KIRREL3: variants seen among roughly 807,000 people sequenced by gnomAD.
KIRREL3 encodes kin of IRRE-like protein 3.
In KIRREL3, 36 loss-of-function variants were observed where a neutral mutation model predicts 89.7. That is an observed-to-expected ratio of 0.40 (90% CI 0.31 to 0.53). KIRREL3 has a LOEUF of 0.53. KIRREL3 is among the 20% of genes least tolerant of loss of function. The pLI is 0.49. For missense variants in KIRREL3, 864 were observed against 1,056.6 expected (o/e 0.82, Z 2.53); for synonymous variants, 445 against 441.4 (o/e 1.01, Z -0.10).
At chr11:126,482,199 T>C (rs10893520) in intron 4 of KIRREL3, among the ~76,000 whole-genome samples, 57,567 of 151,952 alleles carry the variant, frequency 0.38, 11,085 homozygotes, top group Admixed American at 0.46. Flanking sequence ...CCATCATGCC[T>C]GGCTAATTTT....
Position 126,923,194 on chromosome 11 carries a change from T to TCTTCTTCTA in KIRREL3, c.55+77260_55+77261insTAGAAGAAG, listed in dbSNP as rs1565423215. ...TCTTCTTCTCTTCTTCTTCTCTTCT[T>TCTTCTTCTA]CTTCTTCTTCTTCTTCTTCTTCTTC... On this transcript the variant is annotated intron_variant, in intron 1 of 16. Transcript: ENST00000525144. Among the ~76,000 whole-genome samples the TCTTCTTCTA allele has an allele frequency of 1.3e-3, 13 of 9,918 alleles. 2 individuals carry two copies. Among genetic ancestry groups the TCTTCTTCTA allele is most frequent in the African/African-American group, 7.5e-3 (6 of 796 alleles). 6.5% of individuals were successfully genotyped at this position (9,918 alleles called of 152,430 possible). A position where few individuals can be genotyped will look rare whatever the true frequency, so the allele number is the denominator to read the frequency against.
rs747378594 is a variant in KIRREL3, at chr11:126,997,060, G to T, written c.55+3395C>A. On this transcript the variant is annotated intron_variant, in intron 1 of 16. Transcript: ENST00000525144. This position sits in a 1 kb window ranked among gnomAD's most constrained non-coding sequence, Gnocchi z 4.3. ...GTGGAGATCAGAGATCTCCCTGGAG[G>T]CAGGGAGTCATCAGTCCTCTAGGAC... Among the ~76,000 whole-genome samples the T allele has an allele frequency of 5.3e-5, 8 of 152,100 alleles. No homozygotes were observed. The highest frequency in any genetic ancestry group is 1.2e-4 in the Non-Finnish European group (8 of 68,010).
chr11:126,983,996 A>T lies in KIRREL3; in HGVS notation c.55+16459T>A, dbSNP rs186794454. On this transcript the variant is annotated intron_variant, in intron 1 of 16. Coordinates refer to ENST00000525144, the MANE Select transcript of KIRREL3 (RefSeq NM_032531.4). The surrounding 1 kb of genome is among the most constrained non-coding windows in gnomAD (Gnocchi z 4.9). Reference sequence around the variant, plus strand: ...TAATTTAATTCATTGCATGTAATGGATGCCTTTTATGGTATTAGAGGTTAA... The same window carrying T: ...TAATTTAATTCATTGCATGTAATGGTTGCCTTTTATGGTATTAGAGGTTAA... 5.5e-3 allele frequency among the ~76,000 whole-genome samples: 818 copies of T among 150,014 alleles called. 7 individuals are homozygous for T. The highest frequency in any genetic ancestry group is 0.019 in the African/African-American group (786 of 41,342).
intron 1 of KIRREL3, among the ~76,000 whole-genome samples, chr11:126,756,467 T>C (rs971644128): frequency 5.9e-5 from 9 of 152,256 alleles, no homozygotes; most frequent in African/African-American, 2.2e-4. Flanking sequence ...CATGCCAGTA[T>C]GGCAGGTCCC....
At position 126,905,550 on chromosome 11, in the gene KIRREL3, T is replaced by C. The variant is rs1355032463; in HGVS notation, c.55+94905A>G. Among the ~76,000 whole-genome samples the C allele has an allele frequency of 6.6e-6, 1 of 152,000 alleles. No individual in the cohort carries two copies. Among genetic ancestry groups the C allele is most frequent in the South Asian group, 2.1e-4 (1 of 4,810 alleles). The stretch of plus-strand genomic sequence containing the variant: ...AGGGGTCAGAGGGTGGGGAGAGGGA[T>C]CTTTCATTTTGGGCCTTATCGAACC... On this transcript the variant is annotated intron_variant, in intron 1 of 16. Coordinates refer to ENST00000525144, the MANE Select transcript of KIRREL3 (RefSeq NM_032531.4). The surrounding 1 kb of genome is among the most constrained non-coding windows in gnomAD (Gnocchi z 5.0).
Position 126,897,039 on chromosome 11 carries a change from C to T in KIRREL3, c.55+103416G>A, listed in dbSNP as rs1336094623. Among the ~76,000 whole-genome samples the T allele has an allele frequency of 6.6e-6, 1 of 151,930 alleles. No individual in the cohort carries two copies. Among genetic ancestry groups the T allele is most frequent in the Admixed American group, 6.6e-5 (1 of 15,266 alleles). ...GTACCAAAAATCCCTAGTAGGCAGCCTTCTCCTCTCTCTTCCCTGCTCTTC... is the reference window on the plus strand; with the variant it reads ...GTACCAAAAATCCCTAGTAGGCAGCTTTCTCCTCTCTCTTCCCTGCTCTTC... On this transcript the variant is annotated intron_variant, in intron 1 of 16. Transcript: ENST00000525144. This position sits in a 1 kb window ranked among gnomAD's most constrained non-coding sequence, Gnocchi z 4.2.
rs929637298 is a variant in KIRREL3, at chr11:126,872,353, G to C, written c.55+128102C>G. ...TGTAAATAAAGGGGGTATAAACACA[G>C]TTGTCAGCAGCCCATATGCTGCTAT... On this transcript the variant is annotated intron_variant, in intron 1 of 16. Coordinates refer to ENST00000525144, the MANE Select transcript of KIRREL3 (RefSeq NM_032531.4). The surrounding 1 kb of genome is among the most constrained non-coding windows in gnomAD (Gnocchi z 4.2). 5.9e-5 allele frequency among the ~76,000 whole-genome samples: 9 copies of C among 152,214 alleles called. No individual in the cohort carries two copies. Among genetic ancestry groups the C allele is most frequent in the Non-Finnish European group, 1.2e-4 (8 of 68,038 alleles).
At chr11:126,500,632 T>G (rs963789893) in intron 4 of KIRREL3, among the ~76,000 whole-genome samples, 2 of 150,872 alleles carry the variant, frequency 1.3e-5, no homozygotes, top group African/African-American at 4.9e-5. Flanking sequence ...CCCAGCTACT[T>G]GGGAGGCTGA....
intron 1 of KIRREL3, among the ~76,000 whole-genome samples, chr11:126,762,102 G>A (rs1449251691): frequency 6.6e-6 from 1 of 152,134 alleles, no homozygotes; most frequent in Non-Finnish European, 1.5e-5. Flanking sequence ...CGGAACCCTG[G>A]AGGCAGAGGT....
chr11:126,511,022 C>G (rs1958201598), intron 4 of KIRREL3, among the ~76,000 whole-genome samples: 1 of 150,608 alleles, frequency 6.6e-6, no homozygotes, highest in Non-Finnish European at 1.5e-5. Flanking sequence ...GGGCCAGTGG[C>G]TGGGCTCCCT....
intron 1 of KIRREL3, among the ~76,000 whole-genome samples, chr11:126,831,790 G>A (rs1943618636): frequency 6.6e-6 from 1 of 152,256 alleles, no homozygotes; most frequent in Middle Eastern, 3.4e-3. Flanking sequence ...ACCCGAAGTT[G>A]TAAATTTAGA....
intron 2 of KIRREL3, among the ~76,000 whole-genome samples, chr11:126,548,801 T>C (rs1006582803): frequency 6.6e-6 from 1 of 151,948 alleles, no homozygotes; most frequent in African/African-American, 2.4e-5. Context: ...AGCGCAGGGG[T>C]GACTGTCAAT....
At chr11:126,469,209 G>C (rs1210307617) in intron 5 of KIRREL3, among the ~76,000 whole-genome samples, 2 of 152,240 alleles carry the variant, frequency 1.3e-5, no homozygotes, top group Non-Finnish European at 2.9e-5. Flanking sequence ...GCCAGCTCCT[G>C]AGCCCACGGG....
chr11:126,879,677 G>C lies in KIRREL3; in HGVS notation c.55+120778C>G, dbSNP rs1945421713. 6.6e-6 allele frequency among the ~76,000 whole-genome samples: 1 copy of C among 152,192 alleles called. No individual in the cohort carries two copies. Among genetic ancestry groups the C allele is most frequent in the Non-Finnish European group, 1.5e-5 (1 of 68,040 alleles). Reference sequence around the variant, plus strand: ...GGCCTCTCAAAAGAATGGAGAGATAGCCTTGATATTTGTGGTTCAGTCATT... The same window carrying C: ...GGCCTCTCAAAAGAATGGAGAGATACCCTTGATATTTGTGGTTCAGTCATT... On this transcript the variant is annotated intron_variant, in intron 1 of 16. Transcript: ENST00000525144. This position sits in a 1 kb window ranked among gnomAD's most constrained non-coding sequence, Gnocchi z 5.4.
rs571942732 is a variant in KIRREL3 at position 126,815,671 on chromosome 11, C to A, written c.55+184784G>T. On this transcript the variant is annotated intron_variant, in intron 1 of 16. Coordinates refer to ENST00000525144, the MANE Select transcript of KIRREL3 (RefSeq NM_032531.4). The stretch of plus-strand genomic sequence containing the variant: ...GCCTCAGCCTCCCGAGTAGCTGGGA[C>A]TACAGGCAGCCGCCACCACGCCCGG... Among the ~76,000 whole-genome samples, 6 of 152,156 alleles carry A rather than the reference C, an allele frequency of 3.9e-5. No individual in the cohort carries two copies. In the South Asian group the frequency reaches 6.3e-4, roughly 16 times the overall value.
chr11:126,446,349 T>C (rs1046089080), intron 9 of KIRREL3, among the ~76,000 whole-genome samples: 10 of 123,560 alleles, frequency 8.1e-5, no homozygotes, highest in African/African-American at 2.7e-4. Context: ...TTCTTCTTCT[T>C]TTTTTTCCCC....
At position 126,953,876 on chromosome 11, in the gene KIRREL3, C is replaced by G. The variant is rs995389957; in HGVS notation, c.55+46579G>C. The stretch of plus-strand genomic sequence containing the variant: ...AGTTGTTTGGGTTTTTCTCTGCCTA[C>G]CACCCGCTTATTTATGTTAATCTGA... On this transcript the variant is annotated intron_variant, in intron 1 of 16. Transcript: ENST00000525144. This position sits in a 1 kb window ranked among gnomAD's most constrained non-coding sequence, Gnocchi z 5.2. Among the ~76,000 whole-genome samples the G allele has an allele frequency of 6.6e-6, 1 of 152,116 alleles. No homozygotes were observed. The highest frequency in any genetic ancestry group is 1.5e-5 in the Non-Finnish European group (1 of 68,022).
intron 1 of KIRREL3, among the ~76,000 whole-genome samples, chr11:126,732,855 A>G (rs1320477514): frequency 6.6e-6 from 1 of 152,234 alleles, no homozygotes; most frequent in East Asian, 1.9e-4. Flanking sequence ...AACCAAGCAA[A>G]GGAGATAGCA....
At chr11:126,435,901 C>T (rs1955308927) in intron 12 of KIRREL3, among the ~76,000 whole-genome samples, 2 of 152,298 alleles carry the variant, frequency 1.3e-5, no homozygotes, top group East Asian at 1.9e-4. Context: ...GGCCCAGGCC[C>T]AGCTGAGCAC....
Sources: allele counts gnomAD v4.1 joint callset (sites outside exome capture counted in the v4.1 genomes callset), GRCh38; gene constraint gnomAD v4.1.1; non-coding constraint Gnocchi (gnomAD v3.1); transcripts MANE v1.5; gene names NCBI Gene and HGNC (gene_info 2026-07-23, HGNC 2026-07-21).